SLC12A7: variants seen among roughly 807,000 people sequenced by gnomAD.
The protein encoded by SLC12A7 is K-Cl cotransporter 4.
A neutral mutation model predicts 120.6 loss-of-function variants in SLC12A7; 100 were observed. The ratio of observed to expected loss-of-function variants is 0.83; its 90% confidence interval spans 0.71 to 0.98. The LOEUF (loss-of-function observed/expected upper bound fraction) is 0.98. Ranked by LOEUF, SLC12A7 falls within the 50% of genes least tolerant of loss-of-function variation. The pLI is 0.00. For synonymous variants in SLC12A7, 760 were observed against 678.0 expected (o/e 1.12, Z -1.88); for missense variants, 1,373 against 1,548.1 (o/e 0.89, Z 1.90).
chr5:1,090,641 C>T (rs6866158), intron 3 of SLC12A7, among the ~76,000 whole-genome samples: 139,438 of 152,250 alleles, frequency 0.92, 65,053 homozygotes, highest in East Asian at 1. Context: ...CTTCAGCTAA[C>T]GCAGGAGCCG....
rs1736877080 is a variant in SLC12A7, at chr5:1,065,117, GCGAGGGGA to G, written c.2437+158_2437+165del. Among the ~76,000 whole-genome samples, 6 of 139,392 alleles carry G rather than the reference GCGAGGGGA, an allele frequency of 4.3e-5. No individual in the cohort carries two copies. In the South Asian group the frequency reaches 1.5e-3, roughly 34 times the overall value. 91.4% of individuals were successfully genotyped at this position (139,392 alleles called of 152,430 possible). A position where few individuals can be genotyped will look rare whatever the true frequency, so the allele number is the denominator to read the frequency against. ...ACACACAGGGGACAGTGAGGGGACG[GCGAGGGGA>G]TGCAGAGGGGACACCAAGGGGACAG... On this transcript the variant is annotated intron_variant, in intron 18 of 23. Transcript: ENST00000264930.
Position 1,066,065 on chromosome 5 carries a change from C to T in SLC12A7, c.2242-587G>A, listed in dbSNP as rs867089947. Among the ~76,000 whole-genome samples, 12 of 152,220 alleles carry T rather than the reference C, an allele frequency of 7.9e-5. No homozygotes were observed. The South Asian group carries it at 2.5e-3, about 32-fold the overall frequency. On this transcript the variant is annotated intron_variant, in intron 17 of 23. Coordinates refer to ENST00000264930, the MANE Select transcript of SLC12A7 (RefSeq NM_006598.3). ...CTCCATGGGGTTTGCACGTGCGTGG[C>T]CGAGGACCTGCCACGCACTAAAGCC...
Position 1,088,715 on chromosome 5 carries a change from C to T in SLC12A7, c.489+267G>A, listed in dbSNP as rs73731158. ...TGGCTGAGATGCCTGTCCGCAGACA[C>T]GGGTAAATGAGGTGCCAGCACGCCA... On this transcript the variant is annotated intron_variant, in intron 4 of 23. Coordinates refer to ENST00000264930, the MANE Select transcript of SLC12A7 (RefSeq NM_006598.3). 2.9e-3 allele frequency among the ~76,000 whole-genome samples: 443 copies of T among 152,322 alleles called. 6 individuals are homozygous for T. Among genetic ancestry groups the T allele is most frequent in the African/African-American group, 0.01 (424 of 41,566 alleles).
chr5:1,093,344 G>C (rs190909318), intron 3 of SLC12A7, among the ~76,000 whole-genome samples, 189 bp downstream of exon 3: 1 of 152,216 alleles, frequency 6.6e-6, no homozygotes, highest in African/African-American at 2.4e-5. Context: ...ACGGTGGAGA[G>C]GGAAGAGGCC....
At chr5:1,137,436 G>A in the SLC12A7 span, among the ~76,000 whole-genome samples, 1 of 152,042 alleles carries the variant, frequency 6.6e-6, no homozygotes, top group African/African-American at 2.4e-5. Flanking sequence ...TGCCAGGGAC[G>A]TCAAATACAC....
At chr5:1,134,750 G>A in the SLC12A7 span, among the ~76,000 whole-genome samples, 1 of 152,180 alleles carries the variant, frequency 6.6e-6, no homozygotes, top group Non-Finnish European at 1.5e-5. Flanking sequence ...ACAACAGCCA[G>A]GTGGCAGAAT....
the SLC12A7 span, among the ~76,000 whole-genome samples, chr5:1,151,687 C>T: frequency 2.0e-5 from 3 of 151,324 alleles, no homozygotes; most frequent in African/African-American, 7.3e-5. This position sits in a 1 kb window ranked among gnomAD's most constrained non-coding sequence, Gnocchi z 6.2. Flanking sequence ...CTAGAGCAGG[C>T]TCAGTGCAGC....
chr5:1,064,110 C>T lies in SLC12A7; in HGVS notation c.2580G>A (p.Leu860=). The T allele has an allele frequency of 6.2e-7, 1 of 1,609,070 alleles. No individual in the cohort carries two copies. The highest frequency in any genetic ancestry group is 1.1e-5 in the South Asian group (1 of 90,812). ...TGTGCTGGCGCAGCAGGAAGGGCAG[C>T]AGCATGAGCATGCCGCCGTCGTGCA... ...WIVHDGGMLM[L]LPFLLRQHKV... Residue 860 remains leucine, a synonymous_variant, in exon 19 of 24, where the codon CTG becomes CTA. Coordinates refer to ENST00000264930, the MANE Select transcript of SLC12A7 (RefSeq NM_006598.3).
chr5:1,060,483 G>A (rs746241806), intron 20 of SLC12A7, 32 bp from the exon 21 acceptor site: 2 of 1,531,398 alleles, frequency 1.3e-6, no homozygotes, highest in South Asian at 1.1e-5. Context: ...AGTAAGCCCG[G>A]TGTGCACAGA....
intron 1 of SLC12A7, 104 bp from the exon 2 acceptor site, chr5:1,094,352 G>A (rs1256261526): frequency 2.5e-6 from 2 of 800,226 alleles, no homozygotes; most frequent in Middle Eastern, 2.2e-4. Flanking sequence ...CCCACCAGCT[G>A]TCACCTCTAA....
chr5:1,128,429 C>T, the SLC12A7 span, among the ~76,000 whole-genome samples: 2 of 152,362 alleles, frequency 1.3e-5, no homozygotes, highest in East Asian at 1.9e-4. Context: ...GGACATCTCA[C>T]GCGGACCCAG....
chr5:1,122,290 TG>T, the SLC12A7 span, among the ~76,000 whole-genome samples: 2 of 152,052 alleles, frequency 1.3e-5, no homozygotes, highest in Non-Finnish European at 2.9e-5. Flanking sequence ...GGTGGGATTT[TG>T]GGGGTGTCAG....
At chr5:1,122,436 T>C in the SLC12A7 span, among the ~76,000 whole-genome samples, 11 of 152,220 alleles carry the variant, frequency 7.2e-5, no homozygotes, top group African/African-American at 2.4e-4. Context: ...TGTTTGTTAG[T>C]TTTAACTTTG....
In SLC12A7 at chr5:1,061,160, G is replaced by A. The variant is rs113527488; in HGVS notation, c.2740-709C>T. ...CTGCGTCTCACCCGCCGCACCCGCC[G>A]TGCGGGACCCCTGCGTCTCACCCAC... On this transcript the variant is annotated intron_variant, in intron 20 of 23. Coordinates refer to ENST00000264930, the MANE Select transcript of SLC12A7 (RefSeq NM_006598.3). Among the ~76,000 whole-genome samples the A allele has an allele frequency of 7.1e-4, 16 of 22,410 alleles. 2 individuals carry two copies. Among genetic ancestry groups the A allele is most frequent in the African/African-American group, 9.4e-4 (15 of 16,004 alleles). The allele number at this position is 22,410 out of a possible 152,430, so 14.7% of individuals were successfully genotyped here. A position where few individuals can be genotyped will look rare whatever the true frequency, so the allele number is the denominator to read the frequency against.
intron 21 of SLC12A7, among the ~76,000 whole-genome samples, chr5:1,058,676 G>C (rs1238622365): frequency 6.6e-6 from 1 of 152,236 alleles, no homozygotes; most frequent in East Asian, 1.9e-4. Flanking sequence ...GGGAGGGCCT[G>C]GGGCTGCCTC....
chr5:1,065,308 GT>G lies in SLC12A7; in HGVS notation c.2411del (p.Asn804ThrfsTer88). Reference sequence around the variant, plus strand: ...CCACAAAGTTCTTCCAGGAGAAGGGGTTGTCCTCCTGCTTCCAGGATGCGGG... The same window carrying G: ...CCACAAAGTTCTTCCAGGAGAAGGGGTGTCCTCCTGCTTCCAGGATGCGGG... ...AWPASWKQED[N>X]PFSWKNFVDT... is the part of the protein sequence containing the mutation. On this transcript the variant is annotated frameshift_variant, in exon 18 of 24. Transcript: ENST00000264930. LOFTEE classifies it high-confidence loss of function. 1 of 1,579,740 alleles carries G rather than the reference GT, an allele frequency of 6.3e-7. No individual in the cohort carries two copies. The highest frequency in any genetic ancestry group is 8.6e-7 in the Non-Finnish European group (1 of 1,160,700).
chr5:1,087,185 A>AGTTCACCGTGGAAG, intron 5 of SLC12A7, 152 bp from the exon 6 acceptor site: 1 of 1,060,314 alleles, frequency 9.4e-7, no homozygotes, highest in Non-Finnish European at 1.3e-6. Flanking sequence ...GCACATGGAG[A>AGTTCACCGTGGAAG]CGCTTCCACG....
intron 3 of SLC12A7, among the ~76,000 whole-genome samples, chr5:1,090,504 CGA>C (rs971699141): frequency 1.3e-5 from 2 of 152,160 alleles, no homozygotes; most frequent in Admixed American, 6.5e-5. Context: ...TTGGTGCAAA[CGA>C]GAGAAGCGGT....
At chr5:1,104,707 G>A (rs1414563561) in intron 1 of SLC12A7, among the ~76,000 whole-genome samples, 2 of 151,526 alleles carry the variant, frequency 1.3e-5, no homozygotes, top group Non-Finnish European at 2.9e-5. Context: ...GTGGGGTGCT[G>A]CCCAAGAAAA....
Sources: allele counts gnomAD v4.1 joint callset (sites outside exome capture counted in the v4.1 genomes callset), GRCh38; gene constraint gnomAD v4.1.1; non-coding constraint Gnocchi (gnomAD v3.1); transcripts MANE v1.5; gene names NCBI Gene and HGNC (gene_info 2026-07-23, HGNC 2026-07-21).